Variants in FER observed in about 807,000 individuals in gnomAD.
FER encodes FER tyrosine kinase.
In FER, 63 loss-of-function variants were observed where a neutral mutation model predicts 111.0. The ratio of observed to expected loss-of-function variants is 0.57; its 90% CI spans 0.46 to 0.70. The LOEUF (loss-of-function observed/expected upper bound fraction) is 0.70, where lower values mean the gene tolerates loss of function less well. Among genes scored for constraint, FER ranks in the 30% least tolerant of loss-of-function variants. The probability of loss-of-function intolerance (pLI) is 0.00; values close to 1 mark genes in which losing one functional copy is unlikely to be tolerated. For missense variants in FER, 914 were observed against 954.0 expected, an observed-to-expected ratio of 0.96 and a Z score of 0.55; for synonymous variants, 327 against 313.9, an observed-to-expected ratio of 1.04 and a Z score of -0.44.
intron 10 of FER, among the ~76,000 whole-genome samples, chr5:108,938,310 G>T (rs1487209807): frequency 6.6e-6 from 1 of 151,890 alleles, no homozygotes; most frequent in Non-Finnish European, 1.5e-5. Flanking sequence ...AAATGAAGAG[G>T]TTCCTACCTT....
intron 16 of FER, among the ~76,000 whole-genome samples, chr5:109,089,156 C>T (rs939144726): frequency 2.6e-5 from 4 of 152,188 alleles, no homozygotes; most frequent in African/African-American, 7.2e-5. Flanking sequence ...TATGATCTCA[C>T]TGTATGTATG....
intron 10 of FER, among the ~76,000 whole-genome samples, chr5:108,944,615 A>G (rs10477940): frequency 0.011 from 1,686 of 152,168 alleles, 35 homozygotes; most frequent in African/African-American, 0.038. Flanking sequence ...CTGATGTGTT[A>G]TTAGGTAGAC....
chr5:108,871,010 G>A (rs1029209471), intron 6 of FER, among the ~76,000 whole-genome samples: 3 of 152,006 alleles, frequency 2.0e-5, no homozygotes, highest in African/African-American at 7.2e-5. Flanking sequence ...AAAGAGTCAG[G>A]AGTTGATCAG....
At position 108,912,361 on chromosome 5, in the gene FER, C is replaced by CT. The variant is rs535089573; in HGVS notation, c.1236+14520dup. 5.3e-5 allele frequency among the ~76,000 whole-genome samples: 8 copies of CT among 152,054 alleles called. No individual in the cohort carries two copies. The South Asian group carries it at 1.5e-3, about 28-fold the overall frequency. ...TACCTTGTCTGGCTCCTACCATGGA[C>CT]TTTTTTTGTTTTTTCTTGAGACAGA... On this transcript the variant is annotated intron_variant, in intron 10 of 19. Coordinates refer to ENST00000281092, the MANE Select transcript of FER (RefSeq NM_005246.4).
intron 16 of FER, among the ~76,000 whole-genome samples, chr5:109,085,230 C>T (rs2150029883): frequency 6.6e-6 from 1 of 151,812 alleles, no homozygotes; most frequent in African/African-American, 2.4e-5. Flanking sequence ...TTTTGCTCTC[C>T]TTTCACTTCT....
chr5:108,892,116 C>A (rs1226893682), intron 9 of FER, among the ~76,000 whole-genome samples: 1 of 152,090 alleles, frequency 6.6e-6, no homozygotes, highest in Non-Finnish European at 1.5e-5. Context: ...AATAGTGCCA[C>A]AATAAACATA....
At chr5:108,951,348 T>A (rs1160632051) in intron 11 of FER, among the ~76,000 whole-genome samples, 2 of 152,048 alleles carry the variant, frequency 1.3e-5, no homozygotes, top group African/African-American at 2.4e-5. Context: ...ACTTAAGCAG[T>A]CCTCCCACCT....
At chr5:108,824,510 C>T (rs1041279552) in intron 3 of FER, among the ~76,000 whole-genome samples, 43 of 152,088 alleles carry the variant, frequency 2.8e-4, no homozygotes, top group African/African-American at 1.0e-3. Context: ...AAAGACCTTT[C>T]ACTTCCTTGG....
chr5:109,102,807 C>T (rs1748415039), intron 17 of FER, among the ~76,000 whole-genome samples: 1 of 151,938 alleles, frequency 6.6e-6, no homozygotes, highest in Admixed American at 6.6e-5. Context: ...CATTTTAGTA[C>T]TTCACCAATT....
chr5:109,018,960 A>C (rs1269295388), intron 13 of FER, among the ~76,000 whole-genome samples: 1 of 151,600 alleles, frequency 6.6e-6, no homozygotes, highest in Non-Finnish European at 1.5e-5. Context: ...CACTTAGGTA[A>C]CAAAACAGAT....
chr5:109,097,820 G>A (rs186926881), intron 16 of FER, among the ~76,000 whole-genome samples: 116 of 151,762 alleles, frequency 7.6e-4, no homozygotes, highest in Non-Finnish European at 1.2e-3. Flanking sequence ...TTGTACTTGC[G>A]GAAGGCTTGG....
intron 17 of FER, among the ~76,000 whole-genome samples, chr5:109,156,242 T>G (rs953641835): frequency 6.6e-6 from 1 of 152,004 alleles, no homozygotes; most frequent in Non-Finnish European, 1.5e-5. Context: ...TGCAGTATAA[T>G]TAGACAGTAG....
At chr5:108,938,890 G>A (rs1296164769) in intron 10 of FER, among the ~76,000 whole-genome samples, 2 of 152,006 alleles carry the variant, frequency 1.3e-5, no homozygotes, top group African/African-American at 4.8e-5. Flanking sequence ...CACCCCTACA[G>A]ATTGAAAGCT....
Position 109,193,855 on chromosome 5 carries a change from A to C in FER, c.*6280A>C, listed in dbSNP as rs1759548505. 6.6e-6 allele frequency: 1 copy of C among 152,162 alleles called. No individual in the cohort carries two copies. Among genetic ancestry groups the C allele is most frequent in the Admixed American group, 6.5e-5 (1 of 15,270 alleles). The allele number at this position is 152,162 out of a possible 1,614,324, so 9.4% of individuals were successfully genotyped here. On this transcript the variant is annotated 3_prime_UTR_variant, in exon 20 of 20. Coordinates refer to ENST00000281092, the MANE Select transcript of FER (RefSeq NM_005246.4). ...CTAGCCTTCTAAGGAACTCCCAGGC[A>C]CCTACTTAACAAGGCCAGCTACACA...
intron 5 of FER, among the ~76,000 whole-genome samples, chr5:108,852,617 A>G (rs1762639591): frequency 1.3e-5 from 2 of 152,148 alleles, no homozygotes; most frequent in Admixed American, 1.3e-4. Context: ...TAGTGGCCAA[A>G]GTAGAGTTCA....
chr5:108,835,903 C>T (rs1760608356), intron 5 of FER, 96 bp downstream of exon 5: 2 of 628,902 alleles, frequency 3.2e-6, no homozygotes, highest in Non-Finnish European at 5.2e-6. Context: ...CCATTTAGAG[C>T]ATTTCACATA....
chr5:109,113,993 CT>C (rs1476533777), intron 17 of FER, among the ~76,000 whole-genome samples: 1 of 152,012 alleles, frequency 6.6e-6, no homozygotes, highest in Non-Finnish European at 1.5e-5. Flanking sequence ...TTAAGAATGG[CT>C]TTTCTAAGCT....
chr5:109,002,983 G>A (rs1419969457), intron 13 of FER, among the ~76,000 whole-genome samples: 3 of 152,332 alleles, frequency 2.0e-5, no homozygotes, highest in Admixed American at 6.5e-5. Context: ...TGGAGAGGAT[G>A]TGGAGAAATA....
chr5:109,188,949 G>A lies in FER; in HGVS notation c.*1374G>A, dbSNP rs1386805556. ...CACACCACCAAGGTGCAAGACAGAT[G>A]TGAATGAAGTAGACAGTCTAGAAGT... is the stretch of plus-strand genomic sequence containing the variant. On this transcript the variant is annotated 3_prime_UTR_variant, in exon 20 of 20. Coordinates refer to ENST00000281092, the MANE Select transcript of FER (RefSeq NM_005246.4). 2.0e-5 allele frequency: 3 copies of A among 152,202 alleles called. No homozygotes were observed. Among genetic ancestry groups the A allele is most frequent in the African/African-American group, 4.8e-5 (2 of 41,440 alleles). 9.4% of individuals were successfully genotyped at this position (152,202 alleles called of 1,614,324 possible). A position where few individuals can be genotyped will look rare whatever the true frequency, so the allele number is the denominator to read the frequency against.
Sources: gnomAD v4.1 joint callset for allele counts (sites outside exome capture counted in the v4.1 genomes callset) on GRCh38, gnomAD v4.1.1 for gene constraint, MANE v1.5 for transcripts, NCBI Gene and HGNC (gene_info 2026-07-23, HGNC 2026-07-21) for gene names.